CLCN7: variants seen among roughly 807,000 people sequenced by gnomAD.
CLCN7 encodes the protein H(+)/Cl(-) exchange transporter 7.
In CLCN7, 60 loss-of-function variants were observed where a neutral mutation model predicts 102.1. The observed-to-expected ratio is 0.59, with a 90% CI of 0.48 to 0.73. The LOEUF is 0.73. Among genes scored for constraint, CLCN7 ranks in the 30% least tolerant of loss-of-function variants. The pLI is 0.00. For missense variants in CLCN7, 962 were observed against 1,125.7 expected (o/e 0.85, Z 2.08); for synonymous variants, 560 against 490.5 (o/e 1.14, Z -1.87).
At position 1,449,663 on chromosome 16, in the gene CLCN7, G is replaced by A. The variant is rs114555014; in HGVS notation, c.1618-336C>T. ...CGGCACACACGACACAGAGAGCCCC[G>A]GGAACATCAGGCTGGGCCACAGAAC... On this transcript the variant is annotated intron_variant, in intron 17 of 24. Transcript: ENST00000382745. The A allele has an allele frequency of 1.4e-3, 526 of 376,280 alleles. 1 individual carries two copies. Among genetic ancestry groups the A allele is most frequent in the African/African-American group, 0.013 (474 of 36,118 alleles). 23.3% of individuals were successfully genotyped at this position (376,280 alleles called of 1,614,324 possible). A position where few individuals can be genotyped will look rare whatever the true frequency, so the allele number is the denominator to read the frequency against.
At chr16:1,468,750 C>T (rs777567386) in intron 1 of CLCN7, among the ~76,000 whole-genome samples, 3 of 150,354 alleles carry the variant, frequency 2.0e-5, no homozygotes, top group Admixed American at 6.6e-5. Context: ...CTGGTGCTTA[C>T]GCGGATCTAC....
At chr16:1,469,775 C>T (rs554377648) in intron 1 of CLCN7, among the ~76,000 whole-genome samples, 1 of 152,264 alleles carries the variant, frequency 6.6e-6, no homozygotes, top group Non-Finnish European at 1.5e-5. Flanking sequence ...GCCATGTTCA[C>T]AGCAGCACCG....
At chr16:1,470,901 C>T (rs2039069169) in intron 1 of CLCN7, among the ~76,000 whole-genome samples, 1 of 152,192 alleles carries the variant, frequency 6.6e-6, no homozygotes, top group East Asian at 1.9e-4. Flanking sequence ...CCAGGGATGT[C>T]CTGCAAATAC....
In CLCN7 at chr16:1,460,907, G is replaced by A. The variant is rs968850569; in HGVS notation, c.393C>T (p.Ala131=). 2 of 1,613,814 alleles carry A rather than the reference G, an allele frequency of 1.2e-6. No individual in the cohort carries two copies. The highest frequency in any genetic ancestry group is 1.1e-5 in the South Asian group (1 of 91,086). The change falls in exon 5 of 25, where the codon GCC becomes GCT. Residue 131 remains alanine, a synonymous_variant. Transcript: ENST00000382745. ...TVEIKRWVIC[A]LIGILTGLVA... is the part of the protein sequence containing the mutation. ...CGAGGCCCGTGAGGATCCCAATGAG[G>A]GCGCAGATGACCCAGCGCTTGATCT...
intron 23 of CLCN7, 46 bp downstream of exon 23, chr16:1,447,346 C>T: frequency 6.6e-7 from 1 of 1,510,678 alleles, no homozygotes. Flanking sequence ...CCACCCCCTG[C>T]TGTTCAGTCC....
At chr16:1,460,982 G>A (rs780448661) in intron 4 of CLCN7, 34 bp from the exon 5 acceptor site, 10 of 1,607,828 alleles carry the variant, frequency 6.2e-6, no homozygotes, top group Admixed American at 3.3e-5. Flanking sequence ...GGTCAGGCAG[G>A]GCCCTGGCGC....
chr16:1,448,304 G>A (rs1371202939), intron 21 of CLCN7, 51 bp downstream of exon 21: 1 of 1,605,692 alleles, frequency 6.2e-7, no homozygotes, highest in East Asian at 2.2e-5. Context: ...CCCACCAATG[G>A]ACTCGACAGA....
At chr16:1,450,915 G>A in intron 16 of CLCN7, among the ~76,000 whole-genome samples, 1 of 124,986 alleles carries the variant, frequency 8.0e-6, no homozygotes, top group African/African-American at 3.1e-5. Context: ...AGAAGCAGGA[G>A]CCGCGTCCAG....
chr16:1,466,143 G>A (rs957373810), intron 1 of CLCN7, among the ~76,000 whole-genome samples: 6 of 152,256 alleles, frequency 3.9e-5, no homozygotes, highest in African/African-American at 1.4e-4. Flanking sequence ...CGCATGCGCA[G>A]GGCGCCCGCC....
intron 11 of CLCN7, 40 bp downstream of exon 11, chr16:1,455,691 A>G (rs747761666): frequency 1.9e-6 from 3 of 1,600,578 alleles, no homozygotes; most frequent in Middle Eastern, 1.7e-4. Flanking sequence ...AGAGCGCAGC[A>G]TGCACCCTGA....
intron 9 of CLCN7, 151 bp from the exon 10 acceptor site, chr16:1,456,357 G>A (rs2038835522): frequency 1.4e-6 from 1 of 691,706 alleles, no homozygotes; most frequent in Non-Finnish European, 2.6e-6. Context: ...GCACCGTGCT[G>A]CAGACCACGG....
At chr16:1,458,405 C>T (rs1454606551) in intron 7 of CLCN7, among the ~76,000 whole-genome samples, 1 of 152,284 alleles carries the variant, frequency 6.6e-6, no homozygotes, top group Non-Finnish European at 1.5e-5. Context: ...AAGGTTCAGG[C>T]CAGCCTGGCG....
rs960070700 is a variant in CLCN7 at position 1,474,981 on chromosome 16, C to T, written c.-7G>A. 22 of 1,477,642 alleles carry T rather than the reference C, an allele frequency of 1.5e-5. No homozygotes were observed. The highest frequency in any genetic ancestry group is 2.9e-5 in the African/African-American group (2 of 68,464). The allele number at this position is 1,477,642 out of a possible 1,614,324, so 91.5% of individuals were successfully genotyped here. A position where few individuals can be genotyped will look rare whatever the true frequency, so the allele number is the denominator to read the frequency against. On this transcript the variant is annotated 5_prime_UTR_variant, in exon 1 of 25. Coordinates refer to ENST00000382745, the MANE Select transcript of CLCN7 (RefSeq NM_001287.6). ...TCTTAGAGACGTTGGCCATGGCCCG[C>T]CGCGGAGCGACACCGGCCGGGAAGC...
In CLCN7 at chr16:1,465,351, G is replaced by T. The variant is rs201003026; in HGVS notation, c.142-13C>A. On this transcript the variant is annotated splice_polypyrimidine_tract_variant and intron_variant, in intron 1 of 24. Transcript: ENST00000382745. ...CAGAACGTGGTGACTAAAAGCAGAA[G>T]AGAAATCATGAGGGCGCTCAGGCGT... 8.1e-6 allele frequency: 13 copies of T among 1,610,886 alleles called. No individual in the cohort carries two copies. The Admixed American group carries it at 1.2e-4, about 15-fold the overall frequency.
intron 2 of CLCN7, among the ~76,000 whole-genome samples, chr16:1,463,206 G>T (rs776256525): frequency 1.3e-5 from 2 of 152,130 alleles, no homozygotes; most frequent in Non-Finnish European, 2.9e-5. Context: ...ACTCAAAAGG[G>T]ATGAAAGACC....
chr16:1,459,235 A>T (rs750202881), intron 6 of CLCN7, 48 bp from the exon 7 acceptor site: 2 of 1,457,876 alleles, frequency 1.4e-6, no homozygotes, highest in Admixed American at 3.7e-5. Context: ...AGGCTGAGAC[A>T]GATGCAGCCC....
chr16:1,474,729 G>T (rs1446954368), intron 1 of CLCN7, 105 bp downstream of exon 1: 1 of 1,014,520 alleles, frequency 9.9e-7, no homozygotes, highest in Non-Finnish European at 1.2e-6. Context: ...CGCCTCGGTC[G>T]CCTCCAGGAC....
At position 1,455,745 on chromosome 16, in the gene CLCN7, G is replaced by C; in HGVS notation, c.967C>G (p.Leu323Val). 3 of 1,613,856 alleles carry C rather than the reference G, an allele frequency of 1.9e-6. No homozygotes were observed. Among genetic ancestry groups the C allele is most frequent in the Non-Finnish European group, 2.5e-6 (3 of 1,180,008 alleles). ...EEGASFWNQF[L>V]TWRIFFASMI... ...CAGGAACTTACGATCCTCCAGGTCA[G>C]GAACTGGTTCCAGAAGGACGCACCC... The change falls in exon 11 of 25, where the codon CTG (leucine) becomes GTG (valine). Residue 323 changes from leucine (L) to valine (V), a missense_variant. This residue lies in a region of CLCN7 where 799 missense variants were observed against 988.0 expected (regional missense o/e 0.81). Coordinates refer to ENST00000382745, the MANE Select transcript of CLCN7 (RefSeq NM_001287.6).
chr16:1,454,459 C>T lies in CLCN7; in HGVS notation c.1105G>A (p.Ala369Thr), dbSNP rs2038802926. 1 of 1,613,480 alleles carries T rather than the reference C, an allele frequency of 6.2e-7. No individual in the cohort carries two copies. The highest frequency in any genetic ancestry group is 1.3e-5 in the African/African-American group (1 of 74,904). ...ACCGGGATCTCGTGGATCGTGTAGGCCATTTTCTGTGCAGAGAGAGGGAGA... is the reference window on the plus strand; with the variant it reads ...ACCGGGATCTCGTGGATCGTGTAGGTCATTTTCTGTGCAGAGAGAGGGAGA... ...NFGRFDSEKM[A>T]YTIHEIPVFI... The change falls in exon 13 of 25, where the codon GCC becomes ACC. Residue 369 changes from alanine (A) to threonine (T), a missense_variant. This residue lies in a region of CLCN7 where 799 missense variants were observed against 988.0 expected (regional missense o/e 0.81). Transcript: ENST00000382745.
Sources: allele counts gnomAD v4.1 joint callset (sites outside exome capture counted in the v4.1 genomes callset), GRCh38; gene constraint gnomAD v4.1.1; regional missense constraint gnomAD v4.1.1; transcripts MANE v1.5; gene names NCBI Gene and HGNC (gene_info 2026-07-23, HGNC 2026-07-21).